Variants in GLRX3 observed in about 807,000 individuals in gnomAD.
GLRX3 encodes the protein glutaredoxin-3.
GLRX3 carries 22 observed loss-of-function variants against 49.5 expected under a neutral mutation model. That is an observed-to-expected ratio of 0.44 (90% CI 0.32 to 0.63). The LOEUF (loss-of-function observed/expected upper bound fraction) is 0.63. Among genes scored for constraint, GLRX3 ranks in the 30% least tolerant of loss-of-function variants. The pLI, the probability that GLRX3 is intolerant of heterozygous loss-of-function variation, is 0.05. For synonymous variants in GLRX3, 133 were observed against 140.0 expected (o/e 0.95, Z 0.35); for missense variants, 385 against 396.3 (o/e 0.97, Z 0.24).
intron 4 of GLRX3, among the ~76,000 whole-genome samples, chr10:130,161,667 G>C (rs1045961511): frequency 6.6e-6 from 1 of 152,168 alleles, no homozygotes; most frequent in African/African-American, 2.4e-5. Flanking sequence ...CTCTGGTAGT[G>C]GGTTTATGTT....
At chr10:130,142,568 C>G (rs1411360302) in intron 1 of GLRX3, among the ~76,000 whole-genome samples, 1 of 152,168 alleles carries the variant, frequency 6.6e-6, no homozygotes. Flanking sequence ...ATTAAAAAGG[C>G]CCATCCCTTG....
chr10:130,157,611 T>A (rs1263094558), intron 2 of GLRX3, among the ~76,000 whole-genome samples: 1 of 147,872 alleles, frequency 6.8e-6, no homozygotes, highest in African/African-American at 2.5e-5. Context: ...TGCCCAGGAG[T>A]AATGTTTTAA....
intron 2 of GLRX3, among the ~76,000 whole-genome samples, chr10:130,157,994 C>G (rs56399651): frequency 0.22 from 32,724 of 151,998 alleles, 3,824 homozygotes; most frequent in South Asian, 0.3. Context: ...TTCTGGAGAA[C>G]TCTTTTGCCT....
At chr10:130,144,518 T>G (rs1340796543) in intron 1 of GLRX3, among the ~76,000 whole-genome samples, 4 of 152,044 alleles carry the variant, frequency 2.6e-5, no homozygotes, top group Admixed American at 2.6e-4. Flanking sequence ...TCCGTGTGGT[T>G]TCATTGTTCA....
intron 2 of GLRX3, among the ~76,000 whole-genome samples, chr10:130,148,427 T>C (rs1417801790): frequency 8.0e-6 from 1 of 124,548 alleles, no homozygotes; most frequent in East Asian, 2.8e-4. Flanking sequence ...CACTTTGCCC[T>C]TCAGTCTTTT....
chr10:130,175,855 C>A (rs1242968810), intron 10 of GLRX3, among the ~76,000 whole-genome samples: 1 of 152,218 alleles, frequency 6.6e-6, no homozygotes, highest in Non-Finnish European at 1.5e-5. Context: ...ACCCCAGGCC[C>A]ACTGTGGGCA....
intron 2 of GLRX3, among the ~76,000 whole-genome samples, chr10:130,150,127 C>G (rs993588986): frequency 6.6e-6 from 1 of 151,036 alleles, no homozygotes; most frequent in African/African-American, 2.4e-5. Flanking sequence ...CTATTCCCAG[C>G]TAGTCGGGAG....
chr10:130,151,490 T>G (rs1054678993), intron 2 of GLRX3, among the ~76,000 whole-genome samples: 3 of 152,146 alleles, frequency 2.0e-5, no homozygotes, highest in Non-Finnish European at 4.4e-5. Context: ...TCATTTACAT[T>G]AGGTATTTCT....
chr10:130,139,918 G>C (rs1473859704), intron 1 of GLRX3, among the ~76,000 whole-genome samples: 1 of 152,174 alleles, frequency 6.6e-6, no homozygotes, highest in African/African-American at 2.4e-5. Context: ...GACAGAGTGA[G>C]ACCCTGTCTC....
At chr10:130,177,208 T>C (rs776039321) in intron 10 of GLRX3, among the ~76,000 whole-genome samples, 1 of 152,230 alleles carries the variant, frequency 6.6e-6, no homozygotes, top group Non-Finnish European at 1.5e-5. Context: ...GCGTTTGTTT[T>C]GTTGAATGAG....
intron 2 of GLRX3, among the ~76,000 whole-genome samples, chr10:130,149,389 C>G (rs888801444): frequency 1.3e-5 from 2 of 151,510 alleles, no homozygotes; most frequent in Non-Finnish European, 2.9e-5. Context: ...TTGCAGTGAC[C>G]CGAGATCGCG....
chr10:130,150,949 A>G (rs1481367669), intron 2 of GLRX3, among the ~76,000 whole-genome samples: 1 of 145,776 alleles, frequency 6.9e-6, no homozygotes, highest in Non-Finnish European at 1.5e-5. Flanking sequence ...TTTTTTTGAG[A>G]CAGAGTCTCA....
intron 1 of GLRX3, among the ~76,000 whole-genome samples, chr10:130,137,925 G>T (rs1009785847): frequency 6.6e-6 from 1 of 151,940 alleles, no homozygotes; most frequent in African/African-American, 2.4e-5. Flanking sequence ...TTATAGAGAC[G>T]AGGTCTCGCC....
rs773442647 is a variant in GLRX3, at chr10:130,171,569, T to C, written c.772-15T>C. ...ATACAAAAATTGTAATCTTTGCAAA[T>C]TTTTTTTCATTTAGGAAGCAAAATG... On this transcript the variant is annotated splice_polypyrimidine_tract_variant and intron_variant, in intron 7 of 10. Transcript: ENST00000331244. The C allele has an allele frequency of 7.0e-7, 1 of 1,428,288 alleles. No homozygotes were observed. The highest frequency in any genetic ancestry group is 9.9e-7 in the Non-Finnish European group (1 of 1,013,058). 88.5% of individuals were successfully genotyped at this position (1,428,288 alleles called of 1,614,324 possible). A position where few individuals can be genotyped will look rare whatever the true frequency, so the allele number is the denominator to read the frequency against.
chr10:130,161,191 G>A (rs764733565), intron 4 of GLRX3, among the ~76,000 whole-genome samples, 194 bp downstream of exon 4: 9 of 152,138 alleles, frequency 5.9e-5, no homozygotes, highest in Non-Finnish European at 1.2e-4. Context: ...TATGGACTCA[G>A]CATGTTGGAA....
intron 4 of GLRX3, among the ~76,000 whole-genome samples, chr10:130,163,402 A>G (rs1401413430): frequency 2.6e-5 from 4 of 152,226 alleles, no homozygotes; most frequent in Non-Finnish European, 5.9e-5. Context: ...AGTATGGGTG[A>G]CAGAGTGAAA....
chr10:130,148,975 T>G (rs193158095), intron 2 of GLRX3, among the ~76,000 whole-genome samples: 3 of 152,134 alleles, frequency 2.0e-5, no homozygotes, highest in Non-Finnish European at 4.4e-5. Context: ...GGAGGATTGC[T>G]TAAGTCCAGG....
At chr10:130,178,755 T>C (rs925939887) in intron 10 of GLRX3, among the ~76,000 whole-genome samples, 4 of 152,116 alleles carry the variant, frequency 2.6e-5, no homozygotes, top group Admixed American at 1.3e-4. Flanking sequence ...CAGGCTGGAG[T>C]GCAATGGCAC....
chr10:130,154,954 G>A (rs79089000), intron 2 of GLRX3, among the ~76,000 whole-genome samples: 4,468 of 152,224 alleles, frequency 0.029, 94 homozygotes, highest in Middle Eastern at 0.051. Context: ...CTGGAAGGGT[G>A]TATCTAAGGA....
Sources: allele counts gnomAD v4.1 joint callset (sites outside exome capture counted in the v4.1 genomes callset), GRCh38; gene constraint gnomAD v4.1.1; transcripts MANE v1.5; gene names NCBI Gene and HGNC (gene_info 2026-07-23, HGNC 2026-07-21).